Variants in ASIC2 observed in about 807,000 individuals in gnomAD.
ASIC2 encodes acid sensing ion channel subunit 2, also known as acid-sensing ion channel 2.
Under a neutral mutation model 57.3 loss-of-function variants are expected in ASIC2, and 25 were observed. The observed-to-expected ratio is 0.44, with a 90% CI of 0.32 to 0.61. ASIC2 has a LOEUF of 0.61. Ranked by LOEUF, ASIC2 falls within the 20% of genes least tolerant of loss-of-function variation. The probability of loss-of-function intolerance (pLI) is 0.06; values close to 1 mark genes in which losing one functional copy is unlikely to be tolerated. For missense variants in ASIC2, 641 were observed against 738.1 expected (o/e 0.87, Z 1.52); for synonymous variants, 319 against 307.5 (o/e 1.04, Z -0.39).
intron 1 of ASIC2, among the ~76,000 whole-genome samples, chr17:34,100,292 G>A (rs1368991155): frequency 6.6e-6 from 1 of 151,372 alleles, no homozygotes; most frequent in African/African-American, 2.4e-5. Context: ...GTGTGGATAA[G>A]CGGCATCATG....
chr17:34,123,362 T>C (rs1457849746), intron 1 of ASIC2, among the ~76,000 whole-genome samples: 1 of 152,108 alleles, frequency 6.6e-6, no homozygotes, highest in Non-Finnish European at 1.5e-5. Context: ...TCGGCTCCAC[T>C]GCAATGTCAT....
intron 1 of ASIC2, among the ~76,000 whole-genome samples, chr17:33,211,088 G>C (rs895283847): frequency 3.4e-5 from 5 of 147,120 alleles, no homozygotes; most frequent in Non-Finnish European, 6.0e-5. Flanking sequence ...ATGAGTCCAG[G>C]CTTGAAGAAC....
chr17:33,813,546 C>T (rs553046879), intron 1 of ASIC2, among the ~76,000 whole-genome samples: 1 of 152,288 alleles, frequency 6.6e-6, no homozygotes, highest in South Asian at 2.1e-4. Context: ...ACGCCATTCT[C>T]CTGCCTCAGC....
intron 1 of ASIC2, among the ~76,000 whole-genome samples, chr17:33,656,371 T>C (rs1349989690): frequency 6.6e-6 from 1 of 152,188 alleles, no homozygotes; most frequent in East Asian, 1.9e-4. Flanking sequence ...AATTCTTACA[T>C]TAAAGCATCA....
chr17:33,513,060 A>G (rs1914473012), intron 1 of ASIC2, among the ~76,000 whole-genome samples: 1 of 152,242 alleles, frequency 6.6e-6, no homozygotes, highest in Admixed American at 6.5e-5. Flanking sequence ...TCTACAAAGT[A>G]ACGGAATTTT....
chr17:33,478,275 T>G (rs920918945), intron 1 of ASIC2, among the ~76,000 whole-genome samples: 1 of 152,224 alleles, frequency 6.6e-6, no homozygotes, highest in African/African-American at 2.4e-5. Context: ...AAACTGTTCA[T>G]GTGTCCCTTT....
At chr17:33,374,076 AC>A (rs1387180045) in intron 1 of ASIC2, among the ~76,000 whole-genome samples, 1 of 152,060 alleles carries the variant, frequency 6.6e-6, no homozygotes, top group African/African-American at 2.4e-5. Context: ...GCTCGCTGCA[AC>A]CACCACCTCC....
In ASIC2 at chr17:33,377,979, C is replaced by T. The variant is rs138287729; in HGVS notation, c.556-265912G>A. Among the ~76,000 whole-genome samples the T allele has an allele frequency of 2.6e-5, 4 of 152,312 alleles. No homozygotes were observed. In the East Asian group the frequency reaches 7.7e-4, roughly 29 times the overall value. On this transcript the variant is annotated intron_variant, in intron 1 of 9. Coordinates refer to the ASIC2 transcript ENST00000359872. ...ACCAGTTCAGCAGCCAAATGGGTTG[C>T]CCTGAATAACAGGTCCCTTCTCACC...
intron 1 of ASIC2, among the ~76,000 whole-genome samples, chr17:33,997,590 T>C (rs1425787939): frequency 6.6e-6 from 1 of 152,180 alleles, no homozygotes; most frequent in Non-Finnish European, 1.5e-5. Flanking sequence ...GAAAGGATGT[T>C]GAATTTTATC....
At chr17:34,099,845 T>C (rs974615302) in intron 1 of ASIC2, among the ~76,000 whole-genome samples, 3 of 152,164 alleles carry the variant, frequency 2.0e-5, no homozygotes, top group Non-Finnish European at 4.4e-5. Flanking sequence ...AAATAGTTCA[T>C]TGTGACTTGG....
At position 34,156,404 on chromosome 17, in the gene ASIC2, C is replaced by A; in HGVS notation, c.129G>T (p.Val43=). The A allele has an allele frequency of 6.2e-7, 1 of 1,614,206 alleles. No individual in the cohort carries two copies. The highest frequency in any genetic ancestry group is 1.1e-5 in the South Asian group (1 of 91,092). Residue 43 remains valine, a synonymous_variant, in exon 1 of 10, where the codon GTG becomes GTT. Transcript: ENST00000359872. The surrounding 1 kb of genome is among the most constrained non-coding windows in gnomAD (Gnocchi z 4.4). ...AGCCCACGAAGGCCACTGCCCACAG[C>A]ACACGCCGGATGGTCAGCGGCCCAT...
chr17:34,026,712 G>C (rs1268298048), intron 1 of ASIC2, among the ~76,000 whole-genome samples: 1 of 152,154 alleles, frequency 6.6e-6, no homozygotes, highest in Non-Finnish European at 1.5e-5. Context: ...TGCCAAAGGT[G>C]GATGGGATGT....
chr17:33,751,907 C>A (rs891466088), intron 1 of ASIC2, among the ~76,000 whole-genome samples: 84 of 113,310 alleles, frequency 7.4e-4, no homozygotes, highest in African/African-American at 2.7e-3. Flanking sequence ...GGCTTTGGAG[C>A]TTTCCTCAGC....
intron 1 of ASIC2, among the ~76,000 whole-genome samples, chr17:33,221,707 T>C (rs563531615): frequency 6.6e-6 from 1 of 152,372 alleles, no homozygotes; most frequent in South Asian, 2.1e-4. Flanking sequence ...AATTTAATTT[T>C]TGTTTGAGCT....
chr17:33,405,945 C>A (rs115117741), intron 1 of ASIC2, among the ~76,000 whole-genome samples: 1,546 of 152,224 alleles, frequency 0.01, 26 homozygotes, highest in African/African-American at 0.035. Flanking sequence ...CCCGAGCCTG[C>A]GAGCATTATT....
chr17:33,775,194 G>A (rs535732849), intron 1 of ASIC2, among the ~76,000 whole-genome samples: 1 of 152,352 alleles, frequency 6.6e-6, no homozygotes, highest in Non-Finnish European at 1.5e-5. Flanking sequence ...GATGGTCAGA[G>A]CTGGCTGGGA....
At chr17:33,790,467 G>T (rs1911738495) in intron 1 of ASIC2, among the ~76,000 whole-genome samples, 1 of 152,120 alleles carries the variant, frequency 6.6e-6, no homozygotes, top group South Asian at 2.1e-4. Context: ...TATTTTTCTA[G>T]ATATTGTGTT....
intron 1 of ASIC2, among the ~76,000 whole-genome samples, chr17:33,185,404 T>C (rs1906152636): frequency 6.6e-6 from 1 of 152,120 alleles, no homozygotes; most frequent in African/African-American, 2.4e-5. Context: ...AAAGAATTCT[T>C]AGCTCACATA....
chr17:34,121,805 A>G (rs191919746), intron 1 of ASIC2, among the ~76,000 whole-genome samples: 4 of 152,336 alleles, frequency 2.6e-5, no homozygotes, highest in Admixed American at 6.5e-5. Context: ...GATGCCATCC[A>G]TCTAAGGAAC....
Sources: allele counts gnomAD v4.1 joint callset (sites outside exome capture counted in the v4.1 genomes callset), GRCh38; gene constraint gnomAD v4.1.1; non-coding constraint Gnocchi (gnomAD v3.1); transcripts MANE v1.5; gene names NCBI Gene and HGNC (gene_info 2026-07-23, HGNC 2026-07-21).